CDH13: variants seen among roughly 807,000 people sequenced by gnomAD.
CDH13 encodes cadherin 13.
In CDH13, 24 loss-of-function variants were observed where a neutral mutation model predicts 63.8. The ratio of observed to expected loss-of-function variants is 0.38; its 90% CI spans 0.27 to 0.53. The LOEUF (loss-of-function observed/expected upper bound fraction) is 0.53, where lower values mean the gene tolerates loss of function less well. Among genes scored for constraint, CDH13 ranks in the 20% least tolerant of loss-of-function variants. The pLI, the probability that CDH13 is intolerant of heterozygous loss-of-function variation, is 0.85. For missense variants in CDH13, 1,049 were observed against 903.1 expected (o/e 1.16, Z -2.07); for synonymous variants, 503 against 355.3 (o/e 1.42, Z -4.67).
At chr16:83,118,789 G>C (rs1323774963) in intron 3 of CDH13, among the ~76,000 whole-genome samples, 2 of 151,922 alleles carry the variant, frequency 1.3e-5, no homozygotes, top group African/African-American at 4.8e-5. Flanking sequence ...GTCTCGAGGG[G>C]AGCAGTATTG....
intron 1 of CDH13, among the ~76,000 whole-genome samples, chr16:82,725,108 G>A (rs928613241): frequency 9.2e-5 from 14 of 151,820 alleles, no homozygotes; most frequent in South Asian, 2.1e-4. Flanking sequence ...ATGGTTGTGC[G>A]GATGGTGATG....
chr16:83,704,598 G>T (rs1450185472), intron 10 of CDH13, among the ~76,000 whole-genome samples: 4 of 152,182 alleles, frequency 2.6e-5, no homozygotes, highest in African/African-American at 9.7e-5. Flanking sequence ...GCCAGGGAAA[G>T]CTGTGTCTCC....
At chr16:83,620,079 C>T (rs1202800173) in intron 8 of CDH13, among the ~76,000 whole-genome samples, 1 of 151,642 alleles carries the variant, frequency 6.6e-6, no homozygotes, top group Non-Finnish European at 1.5e-5. Context: ...ATGGGGAAGA[C>T]ATTGGCAGAT....
intron 3 of CDH13, among the ~76,000 whole-genome samples, chr16:83,041,813 A>G (rs1224036810): frequency 6.6e-6 from 1 of 152,188 alleles, no homozygotes; most frequent in African/African-American, 2.4e-5. Flanking sequence ...TGGACATAAT[A>G]CTCTGGCCTT....
intron 5 of CDH13, among the ~76,000 whole-genome samples, chr16:83,218,111 T>A (rs1176993942): frequency 6.6e-6 from 1 of 152,100 alleles, no homozygotes; most frequent in East Asian, 1.9e-4. Context: ...TAAAGAAAAA[T>A]CAGTGGGTTA....
At chr16:82,879,537 A>G (rs1021578271) in intron 2 of CDH13, among the ~76,000 whole-genome samples, 1 of 143,394 alleles carries the variant, frequency 7.0e-6, no homozygotes, top group African/African-American at 2.5e-5. Flanking sequence ...TATTTAATAT[A>G]TACTATATAA....
chr16:83,495,907 C>G (rs1157270610), intron 7 of CDH13, among the ~76,000 whole-genome samples: 1 of 152,002 alleles, frequency 6.6e-6, no homozygotes, highest in Non-Finnish European at 1.5e-5. Context: ...CTCCCATTCA[C>G]AATTGCTTCA....
chr16:82,846,869 G>A (rs1244467133), intron 1 of CDH13, among the ~76,000 whole-genome samples: 1 of 151,926 alleles, frequency 6.6e-6, no homozygotes, highest in Non-Finnish European at 1.5e-5. Context: ...ATTTGAAAGA[G>A]GCAATTACTA....
At chr16:82,882,394 C>G (rs1043420053) in intron 2 of CDH13, among the ~76,000 whole-genome samples, 2 of 152,172 alleles carry the variant, frequency 1.3e-5, no homozygotes, top group African/African-American at 4.8e-5. Flanking sequence ...GGCAGTCTGG[C>G]TCTAGTCTCC....
chr16:82,627,337 C>CGTGCGTGCGTGTGTGTGTGT (rs1555525839), intron 1 of CDH13, among the ~76,000 whole-genome samples, 200 bp downstream of exon 1: 3 of 131,184 alleles, frequency 2.3e-5, no homozygotes, highest in Admixed American at 7.5e-5. Context: ...CTCTGGCGTG[C>CGTGCGTGCGTGTGTGTGTGT]GTGTGTGTGT....
chr16:83,671,586 C>G (rs916702193), intron 9 of CDH13, among the ~76,000 whole-genome samples: 1 of 152,106 alleles, frequency 6.6e-6, no homozygotes, highest in Non-Finnish European at 1.5e-5. Context: ...TATACATTTG[C>G]TAAGGAATTA....
chr16:82,717,967 T>A (rs1025666431), intron 1 of CDH13, among the ~76,000 whole-genome samples: 4 of 152,200 alleles, frequency 2.6e-5, no homozygotes, highest in African/African-American at 9.6e-5. Flanking sequence ...TGTCACCCAA[T>A]GAGACCTGAC....
At chr16:83,432,663 G>A (rs776069072) in intron 6 of CDH13, among the ~76,000 whole-genome samples, 1 of 152,110 alleles carries the variant, frequency 6.6e-6, no homozygotes, top group Non-Finnish European at 1.5e-5. Flanking sequence ...GGTGTAGCCG[G>A]CTCTCAGGCT....
chr16:83,587,570 A>G (rs942391205), intron 7 of CDH13, among the ~76,000 whole-genome samples: 61 of 152,172 alleles, frequency 4.0e-4, no homozygotes, highest in Admixed American at 4.0e-3. Context: ...TAGAAAACAT[A>G]CAGAGAGTGC....
At chr16:83,053,446 A>C (rs1035505421) in intron 3 of CDH13, among the ~76,000 whole-genome samples, 1 of 152,188 alleles carries the variant, frequency 6.6e-6, no homozygotes, top group Non-Finnish European at 1.5e-5. Context: ...ATCAATTCAC[A>C]GTAAGAAGAT....
chr16:83,403,246 G>A (rs1488090165), intron 6 of CDH13, among the ~76,000 whole-genome samples: 1 of 151,724 alleles, frequency 6.6e-6, no homozygotes, highest in Non-Finnish European at 1.5e-5. Flanking sequence ...AGTTGTGTGG[G>A]TCACCCCCTG....
At chr16:83,319,713 A>G (rs955929679) in intron 5 of CDH13, among the ~76,000 whole-genome samples, 1 of 152,166 alleles carries the variant, frequency 6.6e-6, no homozygotes, top group Non-Finnish European at 1.5e-5. Flanking sequence ...CGGAGAAGGA[A>G]AAAAATATGC....
At chr16:83,623,698 A>C (rs17760855) in intron 8 of CDH13, among the ~76,000 whole-genome samples, 2 of 152,082 alleles carry the variant, frequency 1.3e-5, no homozygotes, top group Non-Finnish European at 2.9e-5. Flanking sequence ...ATAACCACGC[A>C]CTGGCCTCTC....
intron 2 of CDH13, among the ~76,000 whole-genome samples, chr16:83,029,937 C>T (rs1035076636): frequency 6.6e-6 from 1 of 152,142 alleles, no homozygotes; most frequent in Non-Finnish European, 1.5e-5. Flanking sequence ...TCTATGCTTA[C>T]CCACAAGGGG....
Sources: allele counts gnomAD v4.1 joint callset (sites outside exome capture counted in the v4.1 genomes callset), GRCh38; gene constraint gnomAD v4.1.1; transcripts MANE v1.5; gene names NCBI Gene and HGNC (gene_info 2026-07-23, HGNC 2026-07-21).